The following MAP2K5 variants were observed in gnomAD, a reference collection of about 807,000 sequenced individuals.
MAP2K5 encodes the protein mitogen-activated protein kinase kinase 5.
In MAP2K5, 49 loss-of-function variants were observed where a neutral mutation model predicts 83.1. The observed-to-expected ratio is 0.59, with a 90% CI of 0.47 to 0.75. MAP2K5 has a LOEUF of 0.75. Ranked by LOEUF, MAP2K5 falls within the 30% of genes least tolerant of loss-of-function variation. The pLI, the probability that MAP2K5 is intolerant of heterozygous loss-of-function variation, is 0.00. For missense variants in MAP2K5, 457 were observed against 557.5 expected (o/e 0.82, Z 1.82); for synonymous variants, 202 against 191.8 (o/e 1.05, Z -0.44).
chr15:67,604,301 AG>A (rs2141031764), intron 8 of MAP2K5, among the ~76,000 whole-genome samples: 1 of 152,396 alleles, frequency 6.6e-6, no homozygotes, highest in East Asian at 1.9e-4. Flanking sequence ...GCCCAAGCCT[AG>A]GAAGAAGAAA....
chr15:67,608,742 G>T (rs1428242616), intron 8 of MAP2K5, among the ~76,000 whole-genome samples: 1 of 152,140 alleles, frequency 6.6e-6, no homozygotes, highest in Non-Finnish European at 1.5e-5. Flanking sequence ...GGTTTGCTTT[G>T]TGTTCTTCTG....
chr15:67,703,440 A>G, intron 16 of MAP2K5, 32 bp downstream of exon 16: 1 of 1,507,914 alleles, frequency 6.6e-7, no homozygotes, highest in Non-Finnish European at 9.2e-7. Flanking sequence ...GCTTCTGTGC[A>G]TATCTGTACT....
chr15:67,719,356 C>A lies in MAP2K5; in HGVS notation c.1045-8560C>A, dbSNP rs1454200949. Among the ~76,000 whole-genome samples the A allele has an allele frequency of 1.3e-5, 2 of 152,126 alleles. No homozygotes were observed. Among genetic ancestry groups the A allele is most frequent in the Non-Finnish European group, 2.9e-5 (2 of 68,032 alleles). Reference sequence around the variant, plus strand: ...AGCAAACCAGGCACCTCCAGGTTGACCAGTCTCCAGGAGAGATCAGCATCA... The same window carrying A: ...AGCAAACCAGGCACCTCCAGGTTGAACAGTCTCCAGGAGAGATCAGCATCA... On this transcript the variant is annotated intron_variant, in intron 16 of 21. Coordinates refer to ENST00000178640, the MANE Select transcript of MAP2K5 (RefSeq NM_145160.3). This position sits in a 1 kb window ranked among gnomAD's most constrained non-coding sequence, Gnocchi z 4.6.
intron 2 of MAP2K5, among the ~76,000 whole-genome samples, chr15:67,556,686 G>A (rs2084633509): frequency 6.6e-6 from 1 of 151,714 alleles, no homozygotes; most frequent in South Asian, 2.1e-4. Flanking sequence ...CTAGTAGCTG[G>A]GATTACAGGT....
intron 16 of MAP2K5, chr15:67,718,013 A>G (rs1391817405): frequency 2.6e-5 from 4 of 152,248 alleles, no homozygotes; most frequent in African/African-American, 9.6e-5. Context: ...AGCACGGCAC[A>G]TTTCAGAAAG....
rs2084976414 is a variant in MAP2K5, at chr15:67,572,881, T to G, written c.253-7873T>G. On this transcript the variant is annotated intron_variant, in intron 3 of 21. Coordinates refer to ENST00000178640, the MANE Select transcript of MAP2K5 (RefSeq NM_145160.3). This position sits in a 1 kb window ranked among gnomAD's most constrained non-coding sequence, Gnocchi z 4.2. ...GCCCAGCTAAGTTTTGTATTTTTAGTAGAGACGGGTTTTCACGTATTGGCC... is the reference window on the plus strand; with the variant it reads ...GCCCAGCTAAGTTTTGTATTTTTAGGAGAGACGGGTTTTCACGTATTGGCC... Among the ~76,000 whole-genome samples, 1 of 152,078 alleles carries G rather than the reference T, an allele frequency of 6.6e-6. No individual in the cohort carries two copies. Among genetic ancestry groups the G allele is most frequent in the African/African-American group, 2.4e-5 (1 of 41,402 alleles).
At chr15:67,716,754 C>G (rs1371457310) in intron 16 of MAP2K5, among the ~76,000 whole-genome samples, 1 of 152,102 alleles carries the variant, frequency 6.6e-6, no homozygotes, top group Non-Finnish European at 1.5e-5. Context: ...TCCTCTCTTC[C>G]AAGCTCTTGA....
intron 8 of MAP2K5, among the ~76,000 whole-genome samples, chr15:67,616,092 A>G (rs774478148): frequency 6.6e-6 from 1 of 152,168 alleles, no homozygotes; most frequent in African/African-American, 2.4e-5. Flanking sequence ...AGTCTTTGAA[A>G]TGGAAACTTC....
At chr15:67,751,465 A>G (rs550837658) in intron 19 of MAP2K5, among the ~76,000 whole-genome samples, 1 of 152,296 alleles carries the variant, frequency 6.6e-6, no homozygotes, top group African/African-American at 2.4e-5. Context: ...AAGTCCCTGA[A>G]TACCTGCGTT....
Position 67,730,146 on chromosome 15 carries a change from G to A in MAP2K5, c.1074+2201G>A, listed in dbSNP as rs556295756. ...CCACTAATGACTTTTGGTGGAGTTGGCATTTATTTTACAGGCTTTGTACTA... is the reference window on the plus strand; with the variant it reads ...CCACTAATGACTTTTGGTGGAGTTGACATTTATTTTACAGGCTTTGTACTA... On this transcript the variant is annotated intron_variant, in intron 17 of 21. Transcript: ENST00000178640. Among the ~76,000 whole-genome samples the A allele has an allele frequency of 5.3e-5, 8 of 152,282 alleles. No homozygotes were observed. In the South Asian group the frequency reaches 1.7e-3, roughly 32 times the overall value.
chr15:67,697,524 C>T (rs565854880), intron 15 of MAP2K5, among the ~76,000 whole-genome samples: 1 of 152,282 alleles, frequency 6.6e-6, no homozygotes, highest in Admixed American at 6.5e-5. Flanking sequence ...TATGCATCTC[C>T]CCCAATCTAG....
intron 8 of MAP2K5, among the ~76,000 whole-genome samples, chr15:67,624,199 C>T (rs887119870): frequency 1.3e-4 from 19 of 151,818 alleles, no homozygotes; most frequent in African/African-American, 3.6e-4. Flanking sequence ...ATTAGCCAGG[C>T]GTGCTGGCGG....
intron 3 of MAP2K5, among the ~76,000 whole-genome samples, chr15:67,568,802 C>T (rs867344149): frequency 5.9e-5 from 9 of 151,774 alleles, no homozygotes; most frequent in South Asian, 2.1e-4. Flanking sequence ...GTCAAGAGAT[C>T]GTGACCATCC....
At position 67,783,465 on chromosome 15, in the gene MAP2K5, C is replaced by A. The variant is rs140437198; in HGVS notation, c.1242+10713C>A. On this transcript the variant is annotated intron_variant, in intron 21 of 21. Transcript: ENST00000178640. The surrounding 1 kb of genome is among the most constrained non-coding windows in gnomAD (Gnocchi z 5.1). ...GCCAGATGGTGAACTTCTCCACCTC[C>A]GAAACCCAACTGGCACAACCTCTGT... Among the ~76,000 whole-genome samples the A allele has an allele frequency of 1.3e-5, 2 of 152,140 alleles. No homozygotes were observed. Among genetic ancestry groups the A allele is most frequent in the African/African-American group, 2.4e-5 (1 of 41,436 alleles).
At chr15:67,619,808 G>A (rs867081238) in intron 8 of MAP2K5, among the ~76,000 whole-genome samples, 4 of 152,154 alleles carry the variant, frequency 2.6e-5, no homozygotes, top group African/African-American at 9.7e-5. Flanking sequence ...GTACTCTCCT[G>A]TAGTCTCAAC....
At chr15:67,721,646 A>G (rs1489767531) in intron 16 of MAP2K5, among the ~76,000 whole-genome samples, 2 of 152,186 alleles carry the variant, frequency 1.3e-5, no homozygotes, top group Admixed American at 6.5e-5. Context: ...TATGACCTTG[A>G]GCAAATTAAT....
At chr15:67,771,166 CCATGTGTTTTACACATGGTAATGT>C (rs2090134518) in intron 20 of MAP2K5, among the ~76,000 whole-genome samples, 1 of 4,024 alleles carries the variant, frequency 2.5e-4, no homozygotes, top group Non-Finnish European at 5.8e-4. Context: ...GTAATGTGTA[CCATGTGTTTTACACATGGTAATGT>C]GTACCATGTG....
At chr15:67,655,074 A>C (rs892613657) in intron 11 of MAP2K5, among the ~76,000 whole-genome samples, 3 of 151,994 alleles carry the variant, frequency 2.0e-5, no homozygotes, top group Non-Finnish European at 4.4e-5. Flanking sequence ...CAAAAAAAAA[A>C]AAAAATAGTA....
intron 15 of MAP2K5, among the ~76,000 whole-genome samples, chr15:67,696,081 C>A (rs955210169): frequency 6.0e-5 from 9 of 150,364 alleles, no homozygotes; most frequent in African/African-American, 2.0e-4. Flanking sequence ...AGGTATGAAT[C>A]CCTGACTTTT....
Sources: allele counts gnomAD v4.1 joint callset (sites outside exome capture counted in the v4.1 genomes callset), GRCh38; gene constraint gnomAD v4.1.1; non-coding constraint Gnocchi (gnomAD v3.1); transcripts MANE v1.5; gene names NCBI Gene and HGNC (gene_info 2026-07-23, HGNC 2026-07-21).